Variants in MAPK6 observed in about 807,000 individuals in gnomAD.
MAPK6 encodes mitogen-activated protein kinase 6.
A neutral mutation model predicts 59.3 loss-of-function variants in MAPK6; 19 were observed. That is an observed-to-expected ratio of 0.32 (90% confidence interval 0.22 to 0.47). MAPK6 has a LOEUF of 0.47. MAPK6 is among the 20% of genes least tolerant of loss of function. MAPK6 has a pLI of 1.00. For synonymous variants in MAPK6, 316 were observed against 290.3 expected (o/e 1.09, Z -0.90); for missense variants, 724 against 847.9 (o/e 0.85, Z 1.81).
At position 52,043,742 on chromosome 15, in the gene MAPK6, ATTTTTTTTTTTTTTT is replaced by A. The variant is rs71130125; in HGVS notation, c.-631-2068_-631-2054del. Among the ~76,000 whole-genome samples the A allele has an allele frequency of 1.5e-3, 62 of 40,668 alleles. 1 individual carries two copies. Among genetic ancestry groups the A allele is most frequent in the Admixed American group, 4.8e-3 (12 of 2,492 alleles). 26.7% of individuals were successfully genotyped at this position (40,668 alleles called of 152,430 possible). ...TGATATGTTGGACTTAAGTTGTTTG[ATTTTTTTTTTTTTTT>A]TTTTTTTTTTTTTTTTTTTGAGGCA... On this transcript the variant is annotated intron_variant, in intron 1 of 5. Transcript: ENST00000261845.
intron 1 of MAPK6, among the ~76,000 whole-genome samples, chr15:52,026,904 G>C (rs1413496276): frequency 6.7e-6 from 1 of 148,822 alleles, no homozygotes; most frequent in Admixed American, 6.8e-5. Context: ...CAAAAAATTA[G>C]CTGAGTATGG....
chr15:52,023,327 A>T (rs954070925), intron 1 of MAPK6, among the ~76,000 whole-genome samples: 2 of 152,052 alleles, frequency 1.3e-5, no homozygotes, highest in Non-Finnish European at 2.9e-5. Flanking sequence ...GGCTGCCTTC[A>T]TTAGTTCCTT....
rs2032080967 is a variant in MAPK6, at chr15:52,058,706, G to C, written c.774G>C (p.Glu258Asp). The C allele has an allele frequency of 6.2e-7, 1 of 1,613,448 alleles. No homozygotes were observed. The highest frequency in any genetic ancestry group is 1.1e-5 in the South Asian group (1 of 91,016). Reference protein sequence around the residue: ...IPVVHEEDRQELLSVIPVYIR... With the variant: ...IPVVHEEDRQDLLSVIPVYIR... ...TTGTACATGAGGAAGATCGTCAGGAGCTTCTCAGCGTAATTCCAGTTTACA... is the reference window on the plus strand; with the variant it reads ...TTGTACATGAGGAAGATCGTCAGGACCTTCTCAGCGTAATTCCAGTTTACA... The change falls in exon 4 of 6, where the codon GAG becomes GAC. Residue 258 changes from glutamate to aspartate, a missense_variant. By Grantham distance (45) the Glu-to-Asp change is conservative. Coordinates refer to ENST00000261845, the MANE Select transcript of MAPK6 (RefSeq NM_002748.4).
intron 4 of MAPK6, among the ~76,000 whole-genome samples, chr15:52,060,615 T>G (rs1179463806): frequency 1.3e-5 from 2 of 152,152 alleles, no homozygotes; most frequent in African/African-American, 4.8e-5. Context: ...GTGTGGCTGG[T>G]GTAAATATAG....
chr15:52,009,781 T>C (rs1398032351), intron 3 of MAPK6, among the ~76,000 whole-genome samples: 2 of 152,180 alleles, frequency 1.3e-5, no homozygotes, highest in Non-Finnish European at 2.9e-5. Flanking sequence ...AATTTTTTTT[T>C]TCTTTTTTTG....
chr15:51,985,184 A>T (rs1398353949), intron 2 of MAPK6, among the ~76,000 whole-genome samples: 2 of 151,146 alleles, frequency 1.3e-5, no homozygotes, highest in African/African-American at 2.5e-5. Context: ...TCTATATAAA[A>T]TTTTTTTAAT....
At chr15:52,016,061 C>CGCGCGT (rs2030241480), upstream of MAPK6, among the ~76,000 whole-genome samples, 1 of 71,690 alleles carries the variant, frequency 1.4e-5, no homozygotes, top group South Asian at 5.8e-4. Context: ...ATCGCGCGCG[C>CGCGCGT]GCGCGCGCGC....
chr15:52,052,853 C>T (rs4774606), intron 3 of MAPK6, among the ~76,000 whole-genome samples: 8,325 of 152,128 alleles, frequency 0.055, 444 homozygotes, highest in African/African-American at 0.13. Context: ...TAAATATTTG[C>T]GTACAAGTTT....
At position 52,046,260 on chromosome 15, in the gene MAPK6, A is replaced by G. The variant is rs2031589438; in HGVS notation, c.-201A>G. 1.9e-6 allele frequency: 1 copy of G among 526,260 alleles called. No individual in the cohort carries two copies. The allele number at this position is 526,260 out of a possible 1,614,324, so 32.6% of individuals were successfully genotyped here. On this transcript the variant is annotated 5_prime_UTR_variant, in exon 2 of 6. It adds an upstream start codon to the 5' untranslated region. Transcript: ENST00000261845. ...AATCTTTTTAATTCTCAATATGAAT[A>G]GAGCTTTTTGAGCTTTAAATCTAAG...
intron 3 of MAPK6, chr15:52,011,067 T>C (rs1028604884): frequency 1.3e-5 from 2 of 152,204 alleles, no homozygotes; most frequent in Non-Finnish European, 2.9e-5. Context: ...GAAGTAGTCA[T>C]AGCACCTTTG....
At chr15:52,027,266 C>T (rs2030829241) in intron 1 of MAPK6, among the ~76,000 whole-genome samples, 1 of 141,816 alleles carries the variant, frequency 7.1e-6, no homozygotes, top group Non-Finnish European at 1.5e-5. Flanking sequence ...AGAAAAATTG[C>T]TTGAACCCAG....
intron 3 of MAPK6, among the ~76,000 whole-genome samples, chr15:52,058,037 ATTTTTAT>A (rs2032051814): frequency 6.6e-6 from 1 of 152,162 alleles, no homozygotes. Context: ...GGCAAGTGGA[ATTTTTAT>A]TTTTTGTTTT....
chr15:52,038,922 A>G (rs1355857381), intron 1 of MAPK6, among the ~76,000 whole-genome samples: 1 of 152,212 alleles, frequency 6.6e-6, no homozygotes, highest in Non-Finnish European at 1.5e-5. Flanking sequence ...AGACTTGTAA[A>G]TCATAGACTT....
intron 1 of MAPK6, among the ~76,000 whole-genome samples, chr15:52,044,476 T>G (rs1008167788): frequency 2.6e-5 from 4 of 152,324 alleles, no homozygotes; most frequent in Middle Eastern, 3.4e-3. Context: ...AATATATGTT[T>G]ATATATTAAA....
intron 2 of MAPK6, 145 bp downstream of exon 2, chr15:52,047,160 C>A: frequency 2.1e-6 from 1 of 486,758 alleles, no homozygotes; most frequent in Non-Finnish European, 3.5e-6. Context: ...ACAAGTCTCT[C>A]TGTTTGAAAT....
At chr15:52,055,571 A>G (rs1486620745) in intron 3 of MAPK6, among the ~76,000 whole-genome samples, 1 of 152,186 alleles carries the variant, frequency 6.6e-6, no homozygotes, top group Non-Finnish European at 1.5e-5. Context: ...GCTGGAGTGC[A>G]GTTGCATGAG....
intron 3 of MAPK6, among the ~76,000 whole-genome samples, chr15:52,008,333 G>A (rs2029959273): frequency 6.6e-6 from 1 of 152,166 alleles, no homozygotes; most frequent in Admixed American, 6.6e-5. Context: ...GAATGCCATT[G>A]CCTTCTTTCG....
chr15:51,986,411 G>A (rs1189629990), intron 2 of MAPK6, among the ~76,000 whole-genome samples: 3 of 151,898 alleles, frequency 2.0e-5, no homozygotes, highest in African/African-American at 7.3e-5. Context: ...TCATACAGTT[G>A]CACAAGAAAA....
chr15:51,988,730 C>CA (rs1008468819), intron 2 of MAPK6, among the ~76,000 whole-genome samples: 30 of 137,076 alleles, frequency 2.2e-4, no homozygotes, highest in South Asian at 2.0e-3. Flanking sequence ...AGACTCTGGG[C>CA]AAAAAAAAAA....
Sources: allele counts gnomAD v4.1 joint callset (sites outside exome capture counted in the v4.1 genomes callset), GRCh38; gene constraint gnomAD v4.1.1; transcripts MANE v1.5; gene names NCBI Gene and HGNC (gene_info 2026-07-23, HGNC 2026-07-21).